The following UNC79 variants were observed in gnomAD, a reference collection of about 807,000 sequenced individuals.
UNC79 encodes protein unc-79 homolog.
In UNC79, 37 loss-of-function variants were observed where a neutral mutation model predicts 283.1. The ratio of observed to expected loss-of-function variants is 0.13; its 90% CI spans 0.10 to 0.17. The LOEUF is 0.17. Ranked by LOEUF, UNC79 falls within the 10% of genes least tolerant of loss-of-function variation. The pLI is 1.00. For synonymous variants in UNC79, 1,107 were observed against 1,200.2 expected, an observed-to-expected ratio of 0.92 and a Z score of 1.61; for missense variants, 2,272 against 3,211.1, an observed-to-expected ratio of 0.71 and a Z score of 7.07.
At chr14:93,501,037 A>G (rs1194009275) in intron 7 of UNC79, among the ~76,000 whole-genome samples, 1 of 152,208 alleles carries the variant, frequency 6.6e-6, no homozygotes, top group Non-Finnish European at 1.5e-5. Flanking sequence ...TAAAAAGTAA[A>G]AATTTGGCCA....
Position 93,580,283 on chromosome 14 carries a change from C to A in UNC79, c.2568C>A (p.Ile856=), listed in dbSNP as rs753083118. The change falls in exon 19 of 49, where the codon ATC becomes ATA. Residue 856 remains isoleucine (I), a synonymous_variant. Transcript: ENST00000555664. ...CCTGCCAGAAGGACGAAAAAGCAAT[C>A]GAGTGCAACTTATGTCAGTCTAGTA... The A allele has an allele frequency of 4.3e-6, 7 of 1,614,082 alleles. No homozygotes were observed. In the African/African-American group the frequency reaches 9.3e-5, roughly 22 times the overall value.
chr14:93,593,856 AAAACTCATTCTGGGTC>A lies in UNC79; in HGVS notation c.3190+21_3190+36del. 6.2e-7 allele frequency: 1 copy of A among 1,609,398 alleles called. No homozygotes were observed. Among genetic ancestry groups the A allele is most frequent in the East Asian group, 2.2e-5 (1 of 44,800 alleles). ...GAAGCAGGTACCTCTGTGTTAGCTT[AAAACTCATTCTGGGTC>A]ACACAGTACACGGGTGTCTGGTCAC... On this transcript the variant is annotated intron_variant, in intron 23 of 48. Transcript: ENST00000555664.
intron 1 of UNC79, among the ~76,000 whole-genome samples, chr14:93,355,289 C>A (rs935317488): frequency 6.6e-6 from 1 of 152,182 alleles, no homozygotes; most frequent in Admixed American, 6.5e-5. Context: ...CCTCCGCCTT[C>A]TGGTTTCAAG....
At position 93,347,651 on chromosome 14, in the gene UNC79, C is replaced by T. The variant is rs111703536; in HGVS notation, c.-351+14128C>T. On this transcript the variant is annotated intron_variant, in intron 1 of 49. Transcript: ENST00000256339. ...CCTGAGGAACGCGCGGGGATTGGGC[C>T]TCCTTCGTTGTTACCCTTTACCGGC... is the stretch of plus-strand genomic sequence containing the variant. 1.1e-4 allele frequency among the ~76,000 whole-genome samples: 17 copies of T among 152,122 alleles called. 1 individual carries two copies. The highest frequency in any genetic ancestry group is 3.4e-4 in the African/African-American group (14 of 41,492).
intron 14 of UNC79, among the ~76,000 whole-genome samples, chr14:93,558,614 T>A (rs1200873548): frequency 7.2e-5 from 9 of 124,926 alleles, no homozygotes; most frequent in Non-Finnish European, 1.4e-4. Flanking sequence ...TTTTTTTTTT[T>A]TTTTTTTTTT....
intron 10 of UNC79, 24 bp downstream of exon 10, chr14:93,529,350 G>A: frequency 6.2e-7 from 1 of 1,612,738 alleles, no homozygotes; most frequent in Admixed American, 1.7e-5. Flanking sequence ...AGGAAAGGAT[G>A]AATAATGAGT....
At chr14:93,579,213 A>AT (rs2141714755) in intron 18 of UNC79, among the ~76,000 whole-genome samples, 1 of 152,334 alleles carries the variant, frequency 6.6e-6, no homozygotes, top group African/African-American at 2.4e-5. Flanking sequence ...CATTACTGTG[A>AT]TGATAACTTT....
intron 1 of UNC79, among the ~76,000 whole-genome samples, chr14:93,365,228 A>G (rs2054304501): frequency 6.6e-6 from 1 of 152,204 alleles, no homozygotes; most frequent in South Asian, 2.1e-4. Flanking sequence ...TATACTAAAA[A>G]TACAAAAATT....
intron 1 of UNC79, among the ~76,000 whole-genome samples, chr14:93,434,630 C>G (rs2056013166): frequency 6.6e-6 from 1 of 152,158 alleles, no homozygotes; most frequent in African/African-American, 2.4e-5. Context: ...GTTCTAGAAT[C>G]AGACTGCTGC....
rs35267402 is a variant in UNC79 at position 93,386,927 on chromosome 14, C to CTTTTTTTTT, written c.-351+53428_-351+53436dup. ...TTCATTTCAATTTCATGTATTTCTGCTTTTTTTTTTTTTTTTTTTTTTTTT... is the reference window on the plus strand; with the variant it reads ...TTCATTTCAATTTCATGTATTTCTGCTTTTTTTTTTTTTTTTTTTTTTTTTTTTTTTTTT... On this transcript the variant is annotated intron_variant, in intron 1 of 49. Transcript: ENST00000256339. Among the ~76,000 whole-genome samples, 9 of 27,194 alleles carry CTTTTTTTTT rather than the reference C, an allele frequency of 3.3e-4. 3 individuals carry two copies. The highest frequency in any genetic ancestry group is 4.9e-4 in the Non-Finnish European group (8 of 16,384). 17.8% of individuals were successfully genotyped at this position (27,194 alleles called of 152,430 possible).
At chr14:93,616,743 T>C (rs1250502336) in intron 27 of UNC79, among the ~76,000 whole-genome samples, 1 of 152,180 alleles carries the variant, frequency 6.6e-6, no homozygotes, top group Admixed American at 6.5e-5. Context: ...GTATAATACT[T>C]GGTTCAGATT....
chr14:93,436,702 T>C (rs1205083193), intron 1 of UNC79, among the ~76,000 whole-genome samples: 2 of 152,206 alleles, frequency 1.3e-5, no homozygotes, highest in African/African-American at 2.4e-5. Context: ...AATAAACATA[T>C]ATATTGGCTT....
exon 19 of UNC79, chr14:93,580,318 A>G (rs2063721346): frequency 2.5e-6 from 4 of 1,614,132 alleles, no homozygotes; most frequent in Non-Finnish European, 3.4e-6. Flanking sequence ...ATCCTCTGCT[A>G]TCAGCTTGCT....
intron 32 of UNC79, among the ~76,000 whole-genome samples, chr14:93,639,244 A>G (rs1203296112): frequency 1.3e-5 from 2 of 152,160 alleles, no homozygotes; most frequent in Non-Finnish European, 1.5e-5. Flanking sequence ...ATGTATCATC[A>G]TATATTGTAT....
chr14:93,612,165 G>A (rs2066358246), intron 26 of UNC79, among the ~76,000 whole-genome samples: 2 of 152,172 alleles, frequency 1.3e-5, no homozygotes, highest in Non-Finnish European at 2.9e-5. Flanking sequence ...TTCTGTTTGT[G>A]TCCTCTCCCT....
intron 47 of UNC79, among the ~76,000 whole-genome samples, chr14:93,700,282 G>T (rs1158216451): frequency 6.6e-6 from 1 of 151,986 alleles, no homozygotes; most frequent in African/African-American, 2.4e-5. Context: ...CTTGGGTTTG[G>T]TGAGCTTCTT....
chr14:93,580,015 C>A, intron 18 of UNC79, 134 bp from the exon 19 acceptor site: 1 of 767,094 alleles, frequency 1.3e-6, no homozygotes, highest in Non-Finnish European at 2.1e-6. Context: ...TTAAATAATT[C>A]AATATTTCTG....
rs762616072 is a variant in UNC79, at chr14:93,577,998, G to T, written c.2368G>T (p.Asp790Tyr). The T allele has an allele frequency of 6.5e-5, 105 of 1,614,214 alleles. 1 individual carries two copies. In the South Asian group the frequency reaches 1.1e-3, roughly 17 times the overall value. The change falls in exon 18 of 49, where the codon GAT (aspartate) becomes TAT (tyrosine). Residue 790 changes from aspartate (D) to tyrosine (Y), a missense_variant. Coordinates refer to ENST00000555664, the Ensembl canonical transcript of UNC79. ...CCCAGGAGGAAGGACTATTGACTTT[G>T]ATTGTGAAGATGATGAAATGAATCT...
upstream of UNC79, among the ~76,000 whole-genome samples, chr14:93,426,491 A>G (rs901820350): frequency 1.3e-5 from 2 of 151,204 alleles, no homozygotes; most frequent in Non-Finnish European, 3.0e-5. Context: ...CTGTGAGTAT[A>G]ATTATATGTT....
Sources: gnomAD v4.1 joint callset for allele counts (sites outside exome capture counted in the v4.1 genomes callset) on GRCh38, gnomAD v4.1.1 for gene constraint, MANE v1.5 for transcripts, NCBI Gene and HGNC (gene_info 2026-07-23, HGNC 2026-07-21) for gene names.